Variants in MAG observed in about 807,000 individuals in gnomAD.
MAG encodes myelin-associated glycoprotein.
Under a neutral mutation model 60.7 loss-of-function variants are expected in MAG, and 30 were observed. The observed-to-expected ratio is 0.49, with a 90% CI of 0.37 to 0.67. The LOEUF (loss-of-function observed/expected upper bound fraction) is 0.67. MAG is among the 30% of genes least tolerant of loss of function. MAG has a pLI of 0.00. For missense variants in MAG, 795 were observed against 851.7 expected (o/e 0.93, Z 0.83); for synonymous variants, 384 against 376.8 (o/e 1.02, Z -0.22).
chr19:35,305,589 C>T (rs973228455), intron 7 of MAG, among the ~76,000 whole-genome samples: 48 of 152,152 alleles, frequency 3.2e-4, no homozygotes, highest in African/African-American at 9.7e-4. Flanking sequence ...TGAGCTCAGG[C>T]GAGTGACTTC....
At chr19:35,310,740 A>C in intron 9 of MAG, 97 bp downstream of exon 9, 1 of 996,808 alleles carries the variant, frequency 1.0e-6, no homozygotes, top group Non-Finnish European at 1.6e-6. Context: ...AGGCAGCACC[A>C]TAAGTGTAGA....
intron 10 of MAG, 72 bp from the exon 11 acceptor site, chr19:35,313,218 C>A: frequency 6.7e-7 from 1 of 1,492,618 alleles, no homozygotes; most frequent in Non-Finnish European, 9.0e-7. Context: ...TCTGAGGGTG[C>A]AAACGCTCTG....
At chr19:35,308,063 G>C (rs557586697) in intron 7 of MAG, among the ~76,000 whole-genome samples, 1 of 152,270 alleles carries the variant, frequency 6.6e-6, no homozygotes, top group African/African-American at 2.4e-5. Context: ...TGGAGAAGGA[G>C]CAAGCCCCTG....
In MAG at chr19:35,300,202, C is replaced by T. The variant is rs1294999030; in HGVS notation, c.768C>T (p.His256=). The T allele has an allele frequency of 6.4e-7, 1 of 1,574,576 alleles. No individual in the cohort carries two copies. Among genetic ancestry groups the T allele is most frequent in the South Asian group, 1.1e-5 (1 of 88,638 alleles). ...CGGTGGAGGCCATCGAGGGCTCCCA[C>T]GTGAGCCTGCTCTGTGGGGCTGACA... ...NSSVEAIEGS[H]VSLLCGADSN... The change falls in exon 6 of 11, where the codon CAC becomes CAT. Residue 256 remains histidine (H), a synonymous_variant. Transcript: ENST00000392213.
Position 35,300,009 on chromosome 19 carries a change from C to A in MAG, c.713-138C>A, listed in dbSNP as rs558125119. 9.1e-6 allele frequency: 7 copies of A among 765,296 alleles called. No homozygotes were observed. In the South Asian group the frequency reaches 1.7e-4, roughly 18 times the overall value. 47.4% of individuals were successfully genotyped at this position (765,296 alleles called of 1,614,324 possible). On this transcript the variant is annotated intron_variant, in intron 5 of 10. Coordinates refer to ENST00000392213, the MANE Select transcript of MAG (RefSeq NM_002361.4). ...ATTGGGGGGTTGGGTGGGACGGGGG[C>A]GGAACCAGGCAGTCCTGGGGCGGGG...
chr19:35,304,576 T>G (rs2066470997), intron 7 of MAG, among the ~76,000 whole-genome samples: 1 of 152,164 alleles, frequency 6.6e-6, no homozygotes, highest in South Asian at 2.1e-4. Flanking sequence ...AGTCTCGCTC[T>G]GTCACCCAGG....
chr19:35,312,436 C>T, intron 10 of MAG: 2 of 975,024 alleles, frequency 2.1e-6, no homozygotes, highest in East Asian at 2.4e-5. Flanking sequence ...CTGGTGATGT[C>T]CGGGCCTGCC....
In MAG at chr19:35,299,793, G is replaced by T; in HGVS notation, c.655G>T (p.Ala219Ser). 1 of 1,541,838 alleles carries T rather than the reference G, an allele frequency of 6.5e-7. No homozygotes were observed. Among genetic ancestry groups the T allele is most frequent in the Non-Finnish European group, 8.7e-7 (1 of 1,148,726 alleles). Residue 219 changes from alanine to serine, a missense_variant, in exon 5 of 11, where the codon GCC becomes TCC. Physicochemically the swap from Ala to Ser is moderately conservative, Grantham distance 99. Transcript: ENST00000392213. ...CAACGGCCACAGGCTGGGCTGCCAG[G>T]CCTCCTTCCCCAACACCACCCTGCA... Reference protein sequence around the residue: ...EANGHRLGCQASFPNTTLQFE... With the variant: ...EANGHRLGCQSSFPNTTLQFE...
At chr19:35,299,509 G>T (rs2066429740) in intron 4 of MAG, 45 bp from the exon 5 acceptor site, 1 of 1,425,174 alleles carries the variant, frequency 7.0e-7, no homozygotes, top group Non-Finnish European at 9.6e-7. Flanking sequence ...CGGGACCGTA[G>T]CCCAGTGCTG....
chr19:35,299,043 CCA>C (rs112793426), intron 4 of MAG, among the ~76,000 whole-genome samples: 107 of 148,890 alleles, frequency 7.2e-4, no homozygotes, highest in East Asian at 1.4e-3. Context: ...CACACCCACA[CCA>C]CACACACACA....
intron 9 of MAG, among the ~76,000 whole-genome samples, chr19:35,311,283 C>T (rs2066524959): frequency 6.6e-6 from 1 of 151,902 alleles, no homozygotes; most frequent in African/African-American, 2.4e-5. Context: ...GCCTGGGCAA[C>T]ATAGGGAGAC....
chr19:35,297,959 AAC>A (rs1205357578), intron 4 of MAG, among the ~76,000 whole-genome samples: 1 of 109,718 alleles, frequency 9.1e-6, no homozygotes, highest in African/African-American at 3.5e-5. Flanking sequence ...CACCACACCA[AAC>A]ACACACCACA....
At chr19:35,307,049 G>A (rs1333242270) in intron 7 of MAG, among the ~76,000 whole-genome samples, 4 of 152,250 alleles carry the variant, frequency 2.6e-5, no homozygotes, top group African/African-American at 9.6e-5. Context: ...TCGGCGTTCC[G>A]CCGACATCCA....
chr19:35,299,858 T>C lies in MAG; in HGVS notation c.712+8T>C. On this transcript the variant is annotated splice_region_variant and intron_variant, in intron 5 of 10. Transcript: ENST00000392213. ...CCAGCATGGACGTCAAGTGTGAGCC[T>C]GGGTGCGGGCGGGGCGGGGTGGGGC... The C allele has an allele frequency of 1.3e-6, 1 of 782,364 alleles. No homozygotes were observed. The highest frequency in any genetic ancestry group is 1.5e-6 in the Non-Finnish European group (1 of 662,086). 48.5% of individuals were successfully genotyped at this position (782,364 alleles called of 1,614,324 possible).
Position 35,295,751 on chromosome 19 carries a change from A to G in MAG, c.185A>G (p.Asn62Ser), listed in dbSNP as rs199593777. ...GTGGTGCATGGTGTCTGGTACTTCA[A>G]TAGCCCCTACCCCAAGAACTACCCC... Reference protein sequence around the residue: ...PAVVHGVWYFNSPYPKNYPPV... With the variant: ...PAVVHGVWYFSSPYPKNYPPV... Residue 62 changes from asparagine to serine, a missense_variant, in exon 4 of 11, where the codon AAT becomes AGT. By Grantham distance (46) the Asn-to-Ser change is conservative (BLOSUM62 1). Coordinates refer to ENST00000392213, the MANE Select transcript of MAG (RefSeq NM_002361.4). This position sits in a 1 kb window ranked among gnomAD's most constrained non-coding sequence, Gnocchi z 5.8. The G allele has an allele frequency of 2.8e-5, 45 of 1,613,782 alleles. No homozygotes were observed. The highest frequency in any genetic ancestry group is 1.1e-4 in the East Asian group (5 of 44,886).
intron 2 of MAG, among the ~76,000 whole-genome samples, chr19:35,294,685 G>A (rs1298557820): frequency 6.6e-6 from 1 of 152,210 alleles, no homozygotes; most frequent in African/African-American, 2.4e-5. Flanking sequence ...GGAGGCTGAG[G>A]CAGGAGGATC....
rs962301199 is a variant in MAG, at chr19:35,299,475, G to A, written c.416-79G>A. 5 of 997,260 alleles carry A rather than the reference G, an allele frequency of 5.0e-6. No individual in the cohort carries two copies. In the Admixed American group the frequency reaches 1.0e-4, roughly 20 times the overall value. 61.8% of individuals were successfully genotyped at this position (997,260 alleles called of 1,614,324 possible). On this transcript the variant is annotated intron_variant, in intron 4 of 10. Coordinates refer to ENST00000392213, the MANE Select transcript of MAG (RefSeq NM_002361.4). ...CATTGCCAGCAATGGAGGTGGACAA[G>A]GAGGAGGGTGGGTGGGGTGGGACCG...
rs181906840 is a variant in MAG, at chr19:35,293,767, G to T, written c.-79-468G>T. ...CCGCAGGCTAAAACACCCTCTCCCC[G>T]AGGGAACAGGACTCTTTTGTACCGG... On this transcript the variant is annotated intron_variant, in intron 1 of 10. Coordinates refer to ENST00000392213, the MANE Select transcript of MAG (RefSeq NM_002361.4). This position sits in a 1 kb window ranked among gnomAD's most constrained non-coding sequence, Gnocchi z 4.0. 6.6e-6 allele frequency among the ~76,000 whole-genome samples: 1 copy of T among 151,988 alleles called. No homozygotes were observed. The highest frequency in any genetic ancestry group is 1.5e-5 in the Non-Finnish European group (1 of 68,000).
Position 35,295,694 on chromosome 19 carries a change from G to C in MAG, c.128G>C (p.Arg43Pro). 1 of 1,613,320 alleles carries C rather than the reference G, an allele frequency of 6.2e-7. No homozygotes were observed. The highest frequency in any genetic ancestry group is 8.5e-7 in the Non-Finnish European group (1 of 1,180,016). ...GGCACGTGCGTCTCCATCCCCTGCC[G>C]CTTTGACTTCCCGGATGAGCTGCGG... ...FEGTCVSIPCRFDFPDELRPA... is the reference protein window; with the variant it reads ...FEGTCVSIPCPFDFPDELRPA... The change falls in exon 4 of 11, where the codon CGC becomes CCC. Residue 43 changes from arginine (R) to proline (P), a missense_variant. Physicochemically the swap from Arg to Pro is moderately radical, Grantham distance 103. Transcript: ENST00000392213. This position sits in a 1 kb window ranked among gnomAD's most constrained non-coding sequence, Gnocchi z 5.8.
Sources: allele counts gnomAD v4.1 joint callset (sites outside exome capture counted in the v4.1 genomes callset), GRCh38; gene constraint gnomAD v4.1.1; non-coding constraint Gnocchi (gnomAD v3.1); transcripts MANE v1.5; gene names NCBI Gene and HGNC (gene_info 2026-07-23, HGNC 2026-07-21).